NKAIN2: variants seen among roughly 807,000 people sequenced by gnomAD.
NKAIN2 encodes the protein sodium/potassium transporting ATPase interacting 2, also known as sodium/potassium-transporting ATPase subunit beta-1-interacting protein 2.
A neutral mutation model predicts 32.6 loss-of-function variants in NKAIN2; 14 were observed. The observed-to-expected ratio is 0.43, with a 90% confidence interval of 0.28 to 0.67. The LOEUF (loss-of-function observed/expected upper bound fraction) is 0.67, where lower values mean the gene tolerates loss of function less well. NKAIN2 is among the 30% of genes least tolerant of loss of function. The pLI is 0.17. For synonymous variants in NKAIN2, 80 were observed against 87.2 expected (o/e 0.92, Z 0.46); for missense variants, 198 against 258.3 (o/e 0.77, Z 1.60).
rs1562203081 is a variant in NKAIN2, at chr6:123,826,188, AAG to A, written c.54+21940_54+21941del. Among the ~76,000 whole-genome samples the A allele has an allele frequency of 7.2e-5, 11 of 152,268 alleles. No homozygotes were observed. In the South Asian group the frequency reaches 2.3e-3, roughly 32 times the overall value. On this transcript the variant is annotated intron_variant, in intron 1 of 6. Transcript: ENST00000368417. ...AGATGCATGACATAAACTCTGGGAAAAGAGAGATTTGTCAGATTTTTGCCTTC... is the reference window on the plus strand; with the variant it reads ...AGATGCATGACATAAACTCTGGGAAAAGAGATTTGTCAGATTTTTGCCTTC...
At chr6:124,484,042 C>G (rs960269601) in intron 3 of NKAIN2, among the ~76,000 whole-genome samples, 1 of 152,226 alleles carries the variant, frequency 6.6e-6, no homozygotes, top group Non-Finnish European at 1.5e-5. Flanking sequence ...ACTAGAGTCA[C>G]TGGCATAAGT....
intron 1 of NKAIN2, among the ~76,000 whole-genome samples, chr6:124,109,851 A>C (rs567992931): frequency 6.6e-6 from 1 of 152,168 alleles, no homozygotes; most frequent in South Asian, 2.1e-4. Context: ...GCATATGTTG[A>C]GATGATCCTG....
intron 3 of NKAIN2, among the ~76,000 whole-genome samples, chr6:124,474,735 A>G (rs928736658): frequency 6.6e-6 from 1 of 150,806 alleles, no homozygotes; most frequent in African/African-American, 2.4e-5. Context: ...AACTATTTTG[A>G]GCTCTCTATG....
chr6:124,721,260 C>T (rs137917934), intron 4 of NKAIN2, among the ~76,000 whole-genome samples: 19,872 of 151,962 alleles, frequency 0.13, 1,599 homozygotes, highest in Non-Finnish European at 0.19. Context: ...AAAAATTAGC[C>T]GGGCGCAGTG....
In NKAIN2 at chr6:123,803,892, C is replaced by T. The variant is rs2114845187; in HGVS notation, c.-309C>T. Among the ~76,000 whole-genome samples, 1 of 148,290 alleles carries T rather than the reference C, an allele frequency of 6.7e-6. No homozygotes were observed. Among genetic ancestry groups the T allele is most frequent in the East Asian group, 2.0e-4 (1 of 5,064 alleles). On this transcript the variant is annotated 5_prime_UTR_variant, in exon 1 of 7. Coordinates refer to ENST00000368417, the MANE Select transcript of NKAIN2 (RefSeq NM_001040214.3). ...ATGCCCGAGGGCGCGGCGGCGCTGC[C>T]AGGCTGCCGCTGCTGCCCCTGCGGG...
intron 3 of NKAIN2, among the ~76,000 whole-genome samples, chr6:124,608,725 T>C (rs1335265296): frequency 2.0e-5 from 3 of 152,098 alleles, no homozygotes; most frequent in African/African-American, 7.2e-5. Flanking sequence ...ACCTGACAAA[T>C]AAAATATTTC....
chr6:123,992,139 G>C (rs1010742552), intron 1 of NKAIN2, among the ~76,000 whole-genome samples: 1 of 152,074 alleles, frequency 6.6e-6, no homozygotes, highest in African/African-American at 2.4e-5. Flanking sequence ...ATGGAAGGCA[G>C]GATAGTAGGG....
At chr6:124,150,019 A>T (rs953390622) in intron 1 of NKAIN2, among the ~76,000 whole-genome samples, 3 of 152,090 alleles carry the variant, frequency 2.0e-5, no homozygotes, top group Admixed American at 6.5e-5. Flanking sequence ...ATATAAGTAA[A>T]CAAGCCTGTT....
At chr6:123,947,652 TG>T (rs1216341229) in intron 1 of NKAIN2, among the ~76,000 whole-genome samples, 2 of 152,172 alleles carry the variant, frequency 1.3e-5, no homozygotes, top group Non-Finnish European at 2.9e-5. Context: ...TACCTATTTA[TG>T]GGGTACAGGT....
At chr6:124,132,665 A>C (rs1221921739) in intron 1 of NKAIN2, among the ~76,000 whole-genome samples, 1 of 152,222 alleles carries the variant, frequency 6.6e-6, no homozygotes, top group African/African-American at 2.4e-5. Flanking sequence ...GGCCAACACA[A>C]TAAACCTAGC....
At chr6:124,264,963 T>C (rs1794423398) in intron 1 of NKAIN2, among the ~76,000 whole-genome samples, 1 of 152,128 alleles carries the variant, frequency 6.6e-6, no homozygotes, top group Non-Finnish European at 1.5e-5. Flanking sequence ...TATGTGTTGA[T>C]AGAAATCACT....
intron 4 of NKAIN2, among the ~76,000 whole-genome samples, chr6:124,774,334 G>C (rs192358517): frequency 2.0e-5 from 3 of 152,240 alleles, no homozygotes; most frequent in Admixed American, 2.0e-4. Flanking sequence ...TATAATGTCA[G>C]AAAAAGAAGA....
At position 124,076,975 on chromosome 6, in the gene NKAIN2, G is replaced by A. The variant is rs577001884; in HGVS notation, c.55-206030G>A. ...ATGAAGTAAATTTAATGAAGTAGAT[G>A]CTGAATAGGCACTTTATAACTATTT... On this transcript the variant is annotated intron_variant, in intron 1 of 6. Transcript: ENST00000368417. 1.4e-3 allele frequency among the ~76,000 whole-genome samples: 215 copies of A among 152,290 alleles called. 1 individual carries two copies. The highest frequency in any genetic ancestry group is 3.3e-3 in the South Asian group (16 of 4,828).
intron 3 of NKAIN2, among the ~76,000 whole-genome samples, chr6:124,518,716 T>TATC (rs1301043706): frequency 6.6e-6 from 1 of 152,210 alleles, no homozygotes; most frequent in East Asian, 1.9e-4. Flanking sequence ...ATCCAAACTC[T>TATC]ATCAACAAGT....
chr6:123,845,298 T>C (rs1775042561), intron 1 of NKAIN2, among the ~76,000 whole-genome samples: 2 of 152,194 alleles, frequency 1.3e-5, no homozygotes, highest in Admixed American at 6.5e-5. Flanking sequence ...TGGCATAGAA[T>C]TCAAATAGCT....
chr6:124,084,024 T>C (rs1489625291), intron 1 of NKAIN2, among the ~76,000 whole-genome samples: 1 of 151,994 alleles, frequency 6.6e-6, no homozygotes, highest in Non-Finnish European at 1.5e-5. Flanking sequence ...AGGTAGAGAC[T>C]TGCTAGCTAG....
chr6:124,205,214 T>C (rs1790803806), intron 1 of NKAIN2, among the ~76,000 whole-genome samples: 1 of 151,866 alleles, frequency 6.6e-6, no homozygotes, highest in Non-Finnish European at 1.5e-5. Context: ...TAATGAGACA[T>C]GGACAATTCC....
chr6:124,379,610 T>C (rs544698954), intron 3 of NKAIN2, among the ~76,000 whole-genome samples: 1 of 152,014 alleles, frequency 6.6e-6, no homozygotes, highest in Admixed American at 6.6e-5. Flanking sequence ...TTGGAAAAGG[T>C]CTAGAAGTGG....
intron 1 of NKAIN2, among the ~76,000 whole-genome samples, chr6:124,024,934 C>T (rs1490910658): frequency 3.3e-5 from 5 of 151,664 alleles, no homozygotes. Flanking sequence ...TTGCAGTGAG[C>T]CAGGATGGCG....
Sources: gnomAD v4.1 joint callset for allele counts (sites outside exome capture counted in the v4.1 genomes callset) on GRCh38, gnomAD v4.1.1 for gene constraint, MANE v1.5 for transcripts, NCBI Gene and HGNC (gene_info 2026-07-23, HGNC 2026-07-21) for gene names.